BAALC: variants seen among roughly 807,000 people sequenced by gnomAD.
The protein encoded by BAALC is BAALC binder of MAP3K1 and KLF4.
BAALC carries 9 observed loss-of-function variants against 15.5 expected under a neutral mutation model. That is an observed-to-expected ratio of 0.58 (90% CI 0.35 to 1.02). The LOEUF (loss-of-function observed/expected upper bound fraction) is 1.02, where lower values mean the gene tolerates loss of function less well. Ranked by LOEUF, BAALC falls within the 50% of genes least tolerant of loss-of-function variation. BAALC has a pLI of 0.02. For synonymous variants in BAALC, 80 were observed against 74.6 expected (o/e 1.07, Z -0.37); for missense variants, 201 against 192.4 (o/e 1.04, Z -0.27).
Position 103,146,190 on chromosome 8 carries a change from T to A in BAALC, c.160+5133T>A, listed in dbSNP as rs535676318. Among the ~76,000 whole-genome samples the A allele has an allele frequency of 1.9e-3, 292 of 152,196 alleles. 1 individual carries two copies. Among genetic ancestry groups the A allele is most frequent in the African/African-American group, 6.3e-3 (262 of 41,520 alleles). On this transcript the variant is annotated intron_variant, in intron 1 of 2. Coordinates refer to ENST00000309982, the MANE Select transcript of BAALC (RefSeq NM_024812.3). ...TAGAGGCATTCAGGAACTAAGCAGT[T>A]TTTTTCTGCCTGGGGAGGGGTCAGT...
intron 1 of BAALC, among the ~76,000 whole-genome samples, chr8:103,160,474 C>A (rs1811200544): frequency 1.3e-5 from 2 of 152,100 alleles, no homozygotes; most frequent in Non-Finnish European, 2.9e-5. Context: ...AGTGTGATTA[C>A]TGAAAATGTT....
chr8:103,198,384 T>G (rs944178645), intron 1 of BAALC, among the ~76,000 whole-genome samples: 1 of 152,174 alleles, frequency 6.6e-6, no homozygotes, highest in Non-Finnish European at 1.5e-5. Flanking sequence ...CTCTATTTCT[T>G]AAAAATCATT....
intron 1 of BAALC, among the ~76,000 whole-genome samples, chr8:103,179,552 C>T (rs150893445): frequency 3.3e-5 from 5 of 152,230 alleles, no homozygotes; most frequent in Non-Finnish European, 7.3e-5. Context: ...GCCTGCTTCA[C>T]CCTCCTTGTT....
intron 1 of BAALC, chr8:103,141,355 C>T (rs2129840361): frequency 2.8e-6 from 1 of 351,244 alleles, no homozygotes; most frequent in African/African-American, 2.1e-5. Flanking sequence ...GAGGACAGCC[C>T]ACCTCCTCCG....
At chr8:103,205,538 T>TGATA (rs559280836) in intron 1 of BAALC, among the ~76,000 whole-genome samples, 1,586 of 152,080 alleles carry the variant, frequency 0.01, 29 homozygotes, top group Non-Finnish European at 8.2e-3. Context: ...GATAGATAGA[T>TGATA]GATAGATAGA....
At chr8:103,191,988 C>G (rs1811978070) in intron 1 of BAALC, among the ~76,000 whole-genome samples, 1 of 152,194 alleles carries the variant, frequency 6.6e-6, no homozygotes, top group Non-Finnish European at 1.5e-5. Context: ...CCCACAGCAT[C>G]AGTGTCTTAT....
chr8:103,202,064 A>G (rs1041123886), intron 1 of BAALC, among the ~76,000 whole-genome samples: 1 of 152,116 alleles, frequency 6.6e-6, no homozygotes, highest in African/African-American at 2.4e-5. Flanking sequence ...ATTATGAGTA[A>G]TTTTGTTTAC....
chr8:103,180,693 C>T (rs886867744), intron 1 of BAALC, among the ~76,000 whole-genome samples: 1 of 152,144 alleles, frequency 6.6e-6, no homozygotes, highest in Non-Finnish European at 1.5e-5. Flanking sequence ...AGATGCTGCC[C>T]GCCAGTTCTT....
chr8:103,177,993 A>G (rs1811643001), intron 1 of BAALC, among the ~76,000 whole-genome samples: 1 of 152,218 alleles, frequency 6.6e-6, no homozygotes, highest in Non-Finnish European at 1.5e-5. Flanking sequence ...CCTAGCATGT[A>G]GAGTGATGGT....
At chr8:103,164,958 C>T (rs1210478348) in intron 1 of BAALC, among the ~76,000 whole-genome samples, 2 of 152,164 alleles carry the variant, frequency 1.3e-5, no homozygotes, top group Non-Finnish European at 2.9e-5. Flanking sequence ...TTACTGTTGT[C>T]TGAGACTGAC....
At chr8:103,170,297 T>C (rs1811451835) in intron 1 of BAALC, among the ~76,000 whole-genome samples, 1 of 151,878 alleles carries the variant, frequency 6.6e-6, no homozygotes, top group Admixed American at 6.6e-5. Flanking sequence ...GTTCTGTTGG[T>C]TTTGTATTGG....
intron 2 of BAALC, chr8:103,213,700 C>T (rs564515520): frequency 6.5e-6 from 1 of 152,708 alleles, no homozygotes; most frequent in Admixed American, 6.5e-5. Flanking sequence ...AATGAGCGCT[C>T]TTAGTAGGCA....
chr8:103,205,814 A>T (rs912379335), intron 1 of BAALC, among the ~76,000 whole-genome samples: 1 of 152,190 alleles, frequency 6.6e-6, no homozygotes, highest in Admixed American at 6.5e-5. Flanking sequence ...TTGGAAACAT[A>T]CGGAACCTGG....
At chr8:103,224,661 A>G (rs1458703587) in intron 2 of BAALC, among the ~76,000 whole-genome samples, 1 of 152,036 alleles carries the variant, frequency 6.6e-6, no homozygotes, top group African/African-American at 2.4e-5. Flanking sequence ...TTAGTTGACT[A>G]TCACCTGGAT....
At position 103,149,772 on chromosome 8, in the gene BAALC, T is replaced by G. The variant is rs139817877; in HGVS notation, c.160+8715T>G. 7.6e-4 allele frequency among the ~76,000 whole-genome samples: 116 copies of G among 152,318 alleles called. No individual in the cohort carries two copies. The East Asian group carries it at 9.0e-3, about 12-fold the overall frequency. Reference sequence around the variant, plus strand: ...ATGGAGAAGTAAAGGGATTTTTCTTTTTTTCTTTCAATACTGGGCAAATAT... The same window carrying G: ...ATGGAGAAGTAAAGGGATTTTTCTTGTTTTCTTTCAATACTGGGCAAATAT... On this transcript the variant is annotated intron_variant, in intron 1 of 2. Coordinates refer to ENST00000309982, the MANE Select transcript of BAALC (RefSeq NM_024812.3).
chr8:103,194,368 T>C (rs376279772), intron 1 of BAALC, among the ~76,000 whole-genome samples: 7 of 151,612 alleles, frequency 4.6e-5, no homozygotes, highest in African/African-American at 1.7e-4. Context: ...CAATATAATG[T>C]AGTCTTTTCT....
chr8:103,197,101 C>G (rs1350968891), intron 1 of BAALC, among the ~76,000 whole-genome samples: 2 of 152,200 alleles, frequency 1.3e-5, no homozygotes, highest in African/African-American at 2.4e-5. Context: ...AAGCAACAAA[C>G]AAAAGGCTTT....
intron 1 of BAALC, among the ~76,000 whole-genome samples, chr8:103,142,752 A>G (rs1810808998): frequency 6.6e-6 from 1 of 152,200 alleles, no homozygotes; most frequent in Admixed American, 6.5e-5. Flanking sequence ...GGATGGCTCT[A>G]TATGTACATA....
chr8:103,160,107 T>G (rs1056707041), intron 1 of BAALC, among the ~76,000 whole-genome samples: 1 of 152,146 alleles, frequency 6.6e-6, no homozygotes, highest in African/African-American at 2.4e-5. Flanking sequence ...TGTAACAGTA[T>G]TGTTAACAGT....
Sources: gnomAD v4.1 joint callset for allele counts (sites outside exome capture counted in the v4.1 genomes callset) on GRCh38, gnomAD v4.1.1 for gene constraint, MANE v1.5 for transcripts, NCBI Gene and HGNC (gene_info 2026-07-23, HGNC 2026-07-21) for gene names.